Variants in SAMD12 observed in about 807,000 individuals in gnomAD.
The protein encoded by SAMD12 is sterile alpha motif domain-containing protein 12.
SAMD12 carries 9 observed loss-of-function variants against 15.0 expected under a neutral mutation model. That is an observed-to-expected ratio of 0.60 (90% CI 0.36 to 1.05). The LOEUF is 1.05. Among genes scored for constraint, SAMD12 ranks in the 50% least tolerant of loss-of-function variants. SAMD12 has a pLI of 0.01. For missense variants in SAMD12, 230 were observed against 234.2 expected (o/e 0.98, Z 0.12); for synonymous variants, 86 against 90.1 (o/e 0.96, Z 0.25).
At chr8:118,550,108 G>A (rs2131176965) in intron 2 of SAMD12, among the ~76,000 whole-genome samples, 1 of 152,316 alleles carries the variant, frequency 6.6e-6, no homozygotes, top group Non-Finnish European at 1.5e-5. Flanking sequence ...CACTCTGCAG[G>A]ATATTATCCA....
At chr8:118,238,930 A>G (rs1040172663) in intron 4 of SAMD12, among the ~76,000 whole-genome samples, 3 of 152,168 alleles carry the variant, frequency 2.0e-5, no homozygotes, top group African/African-American at 4.8e-5. Context: ...TCCTCAAGCC[A>G]TAACAACATT....
the SAMD12 span, among the ~76,000 whole-genome samples, chr8:118,153,124 A>G: frequency 6.6e-6 from 1 of 152,220 alleles, no homozygotes; most frequent in East Asian, 1.9e-4. Context: ...TTTTCACTGC[A>G]TAACAAAACA....
chr8:118,471,302 C>T (rs1014738510), intron 2 of SAMD12, among the ~76,000 whole-genome samples: 1 of 152,028 alleles, frequency 6.6e-6, no homozygotes, highest in African/African-American at 2.4e-5. Context: ...ATTTGATATA[C>T]AAATTATTCA....
chr8:118,422,174 T>A (rs966037299), intron 3 of SAMD12, among the ~76,000 whole-genome samples: 5 of 152,220 alleles, frequency 3.3e-5, no homozygotes, highest in African/African-American at 9.6e-5. Context: ...CCCAATTTAA[T>A]CCAATCAACA....
intron 1 of SAMD12, among the ~76,000 whole-genome samples, chr8:118,590,942 G>A (rs1586841318): frequency 6.6e-6 from 1 of 152,106 alleles, no homozygotes; most frequent in Non-Finnish European, 1.5e-5. Context: ...AGAAATATAA[G>A]ACATGAAGAA....
At chr8:118,160,247 C>T in the SAMD12 span, among the ~76,000 whole-genome samples, 44 of 152,056 alleles carry the variant, frequency 2.9e-4, no homozygotes, top group Non-Finnish European at 4.3e-4. Flanking sequence ...CAGACTTGAA[C>T]AAATGGAGAG....
chr8:118,284,086 C>T (rs1813800639), intron 4 of SAMD12, among the ~76,000 whole-genome samples: 1 of 152,186 alleles, frequency 6.6e-6, no homozygotes, highest in South Asian at 2.1e-4. Context: ...CTTCCGAAGA[C>T]TGCCAAATCT....
At chr8:118,213,892 G>A (rs755334234) in intron 4 of SAMD12, among the ~76,000 whole-genome samples, 2 of 152,034 alleles carry the variant, frequency 1.3e-5, no homozygotes, top group African/African-American at 4.8e-5. Context: ...GTCAATTCTG[G>A]TCGGTTCAGG....
At chr8:118,141,592 T>A in the SAMD12 span, among the ~76,000 whole-genome samples, 1 of 152,190 alleles carries the variant, frequency 6.6e-6, no homozygotes, top group Non-Finnish European at 1.5e-5. Flanking sequence ...CATACCAGTA[T>A]AGAAATTGAG....
At chr8:118,186,308 G>A (rs1003956536), downstream of SAMD12, among the ~76,000 whole-genome samples, 1 of 152,204 alleles carries the variant, frequency 6.6e-6, no homozygotes, top group Non-Finnish European at 1.5e-5. Context: ...TTAAGAAGAA[G>A]TTATTAGTTG....
chr8:118,467,807 C>G (rs1270348118), intron 2 of SAMD12, among the ~76,000 whole-genome samples: 1 of 152,140 alleles, frequency 6.6e-6, no homozygotes, highest in Non-Finnish European at 1.5e-5. Flanking sequence ...CAGGGCCAAT[C>G]AATTTGTGAC....
intron 4 of SAMD12, among the ~76,000 whole-genome samples, chr8:118,212,949 T>G (rs1314832972): frequency 6.6e-6 from 1 of 152,234 alleles, no homozygotes; most frequent in Non-Finnish European, 1.5e-5. Flanking sequence ...ATCATGGATC[T>G]TGTATCCTGT....
chr8:118,486,273 G>A (rs1448457402), intron 2 of SAMD12, among the ~76,000 whole-genome samples: 6 of 151,974 alleles, frequency 3.9e-5, no homozygotes, highest in Non-Finnish European at 5.9e-5. Context: ...AAAATTAGTC[G>A]GGTGTAGTGG....
At chr8:118,204,947 CCA>C (rs1285964625) in intron 4 of SAMD12, among the ~76,000 whole-genome samples, 1 of 152,054 alleles carries the variant, frequency 6.6e-6, no homozygotes, top group Non-Finnish European at 1.5e-5. Context: ...CTTGATTGGG[CCA>C]CTGGGTGTCC....
chr8:118,206,897 TC>T (rs1184013755), intron 4 of SAMD12, among the ~76,000 whole-genome samples: 4 of 152,228 alleles, frequency 2.6e-5, no homozygotes, highest in African/African-American at 9.6e-5. Context: ...AAGAAGTATG[TC>T]TCATTCTTCT....
intron 4 of SAMD12, among the ~76,000 whole-genome samples, chr8:118,248,216 T>C (rs768054166): frequency 6.6e-6 from 1 of 152,162 alleles, no homozygotes; most frequent in Non-Finnish European, 1.5e-5. Flanking sequence ...TAGCCTGATT[T>C]CAAATAATTA....
chr8:118,467,109 CTA>C (rs888649486), intron 2 of SAMD12, among the ~76,000 whole-genome samples: 1 of 152,156 alleles, frequency 6.6e-6, no homozygotes, highest in Non-Finnish European at 1.5e-5. Context: ...TCTTGAGTAT[CTA>C]TTCAGAGGCA....
At chr8:118,284,250 C>CCAAT (rs1318778280) in intron 4 of SAMD12, 2 of 454,910 alleles carry the variant, frequency 4.4e-6, no homozygotes. Context: ...AAACAATCAG[C>CCAAT]CAATCCCTTT....
chr8:118,537,323 G>C (rs1825871546), intron 2 of SAMD12, among the ~76,000 whole-genome samples: 1 of 151,976 alleles, frequency 6.6e-6, no homozygotes, highest in Non-Finnish European at 1.5e-5. Flanking sequence ...CTTTCTCTAG[G>C]TTTGGGAAGT....
Sources: allele counts gnomAD v4.1 joint callset (sites outside exome capture counted in the v4.1 genomes callset), GRCh38; gene constraint gnomAD v4.1.1; transcripts MANE v1.5; gene names NCBI Gene and HGNC (gene_info 2026-07-23, HGNC 2026-07-21).